ANKRD28: variants seen among roughly 807,000 people sequenced by gnomAD.
ANKRD28 encodes ankyrin repeat domain 28, also known as serine/threonine-protein phosphatase 6 regulatory ankyrin repeat subunit A.
In ANKRD28, 44 loss-of-function variants were observed where a neutral mutation model predicts 126.5. The ratio of observed to expected loss-of-function variants is 0.35; its 90% CI spans 0.27 to 0.45. The LOEUF (loss-of-function observed/expected upper bound fraction) is 0.45. ANKRD28 is among the 20% of genes least tolerant of loss of function. The pLI is 1.00. For missense variants in ANKRD28, 1,110 were observed against 1,316.6 expected (o/e 0.84, Z 2.43); for synonymous variants, 442 against 468.5 (o/e 0.94, Z 0.73).
chr3:15,691,240 C>T (rs1018154118), intron 17 of ANKRD28, among the ~76,000 whole-genome samples: 3 of 151,976 alleles, frequency 2.0e-5, no homozygotes, highest in African/African-American at 7.3e-5. Flanking sequence ...TCTCCTGTCT[C>T]AGTCTCCCGA....
At chr3:15,834,274 A>T (rs1205365434) in intron 1 of ANKRD28, among the ~76,000 whole-genome samples, 2 of 152,090 alleles carry the variant, frequency 1.3e-5, no homozygotes. Context: ...ATTCTTCTAC[A>T]TATAGCTATC....
upstream of ANKRD28, among the ~76,000 whole-genome samples, chr3:15,800,466 T>C (rs1290817257): frequency 6.6e-6 from 1 of 152,130 alleles, no homozygotes; most frequent in Non-Finnish European, 1.5e-5. Flanking sequence ...ATATTTGGGA[T>C]AGCTGAATGA....
chr3:15,859,593 C>CCGT, exon 1 of ANKRD28: 1 of 200,836 alleles, frequency 5.0e-6, no homozygotes, highest in Non-Finnish European at 9.0e-6. Context: ...GCCGCCGCCG[C>CCGT]CGCCGCCGCC....
At chr3:15,749,111 T>G (rs1011522658) in intron 4 of ANKRD28, among the ~76,000 whole-genome samples, 1 of 134,632 alleles carries the variant, frequency 7.4e-6, no homozygotes, top group Non-Finnish European at 1.6e-5. Flanking sequence ...GTTTTTTTTT[T>G]TTTTTTTTTT....
chr3:15,802,800 A>G (rs377611788), upstream of ANKRD28, among the ~76,000 whole-genome samples: 58 of 152,322 alleles, frequency 3.8e-4, no homozygotes, highest in African/African-American at 1.4e-3. Context: ...ACATCTAGTC[A>G]GCCAATCACT....
Position 15,803,649 on chromosome 3 carries a change from T to C in ANKRD28, c.28-8343A>G, listed in dbSNP as rs530634461. ...AAAAAAAAGAAATATATTTTAGAAATAGGATTTATAGGACATGTTAATAGA... is the reference window on the plus strand; with the variant it reads ...AAAAAAAAGAAATATATTTTAGAAACAGGATTTATAGGACATGTTAATAGA... On this transcript the variant is annotated intron_variant, in intron 1 of 27. Transcript: ENST00000399451. Among the ~76,000 whole-genome samples, 9 of 148,466 alleles carry C rather than the reference T, an allele frequency of 6.1e-5. 1 individual carries two copies. Among genetic ancestry groups the C allele is most frequent in the Admixed American group, 2.0e-4 (3 of 14,924 alleles).
chr3:15,670,387 C>T lies in ANKRD28; in HGVS notation c.3135G>A (p.Leu1045=), dbSNP rs1308772805. 3.1e-6 allele frequency: 5 copies of T among 1,613,892 alleles called. No homozygotes were observed. Among genetic ancestry groups the T allele is most frequent in the Non-Finnish European group, 4.2e-6 (5 of 1,179,868 alleles). ...AGCTAGGTTCATTCCTCATGATGGG[C>T]AAAGCTTCAAAGCTGACTGTTTTTG... ...NTSKTVSFEA[L]PIMRNEPSSY... is the part of the protein sequence containing the mutation. The change falls in exon 28 of 28, where the codon TTG becomes TTA. Residue 1045 remains leucine (L), a synonymous_variant. Transcript: ENST00000683139.
chr3:15,719,422 A>G (rs1344067579), intron 8 of ANKRD28, among the ~76,000 whole-genome samples: 1 of 152,206 alleles, frequency 6.6e-6, no homozygotes, highest in East Asian at 1.9e-4. Flanking sequence ...TGCTCAAAGG[A>G]TGAATTGATA....
At position 15,787,094 on chromosome 3, in the gene ANKRD28, G is replaced by A. The variant is rs115869199; in HGVS notation, c.201+8129C>T. ...CTGCTAGTTAAATAAATTATGCTAT[G>A]AAATAAATTATAAAGAATGAGGAAA... On this transcript the variant is annotated intron_variant, in intron 2 of 27. Coordinates refer to ENST00000683139, the MANE Select transcript of ANKRD28 (RefSeq NM_001349278.2). Among the ~76,000 whole-genome samples the A allele has an allele frequency of 5.0e-3, 759 of 152,142 alleles. 7 individuals carry two copies. The highest frequency in any genetic ancestry group is 0.017 in the African/African-American group (711 of 41,500).
chr3:15,787,410 G>C (rs1405220985), intron 2 of ANKRD28, among the ~76,000 whole-genome samples: 1 of 152,102 alleles, frequency 6.6e-6, no homozygotes, highest in Admixed American at 6.6e-5. Flanking sequence ...CTGGAATCTA[G>C]AGGCACTGGC....
chr3:15,694,826 A>C lies in ANKRD28; in HGVS notation c.1687-13T>G. ...AGGTTTCCATTAACTGAAAAAGAAG[A>C]GGCATTTTAAATGTCAGAAAGACAT... On this transcript the variant is annotated splice_polypyrimidine_tract_variant and intron_variant, in intron 16 of 27. Transcript: ENST00000683139. The C allele has an allele frequency of 1.2e-6, 2 of 1,612,140 alleles. No individual in the cohort carries two copies. Among genetic ancestry groups the C allele is most frequent in the Non-Finnish European group, 1.7e-6 (2 of 1,178,302 alleles).
At chr3:15,782,449 C>T (rs995077016) in intron 2 of ANKRD28, among the ~76,000 whole-genome samples, 11 of 152,078 alleles carry the variant, frequency 7.2e-5, no homozygotes, top group African/African-American at 2.7e-4. Context: ...TTGTCATATA[C>T]TCTGCATCAT....
chr3:15,792,984 G>T (rs1228609456), intron 2 of ANKRD28, among the ~76,000 whole-genome samples: 1 of 152,042 alleles, frequency 6.6e-6, no homozygotes, highest in Non-Finnish European at 1.5e-5. Flanking sequence ...ATTATACAAT[G>T]ACTATTTAAT....
chr3:15,751,979 T>C (rs547682677), intron 3 of ANKRD28, among the ~76,000 whole-genome samples, 159 bp from the exon 4 acceptor site: 3 of 152,214 alleles, frequency 2.0e-5, no homozygotes, highest in East Asian at 1.9e-4. Flanking sequence ...CCTTAGAATA[T>C]AAAACAAAAT....
chr3:15,685,420 A>G lies in ANKRD28; in HGVS notation c.2195T>C (p.Val732Ala). Reference sequence around the variant, plus strand: ...AGCACCATGTTGAAGTAATGCATCTACACATTCTTCATGGCCTGTAACTGC... The same window carrying G: ...AGCACCATGTTGAAGTAATGCATCTGCACATTCTTCATGGCCTGTAACTGC... ...RGAVTGHEEC[V>A]DALLQHGAKC... The change falls in exon 21 of 28, where the codon GTA becomes GCA. Residue 732 changes from valine (V) to alanine (A), a missense_variant. Coordinates refer to ENST00000683139, the MANE Select transcript of ANKRD28 (RefSeq NM_001349278.2). The G allele has an allele frequency of 6.2e-7, 1 of 1,614,022 alleles. No homozygotes were observed. Among genetic ancestry groups the G allele is most frequent in the South Asian group, 1.1e-5 (1 of 91,084 alleles).
chr3:15,715,802 A>T (rs2072936377), intron 8 of ANKRD28, among the ~76,000 whole-genome samples: 1 of 152,176 alleles, frequency 6.6e-6, no homozygotes, highest in African/African-American at 2.4e-5. Flanking sequence ...ACACTCAGAT[A>T]ACACATCAGT....
intron 1 of ANKRD28, among the ~76,000 whole-genome samples, chr3:15,849,431 TAA>T (rs2061591996): frequency 6.6e-6 from 1 of 152,234 alleles, no homozygotes; most frequent in South Asian, 2.1e-4. Flanking sequence ...TTCCAAGATA[TAA>T]GTCAGATTGG....
intron 3 of ANKRD28, among the ~76,000 whole-genome samples, chr3:15,754,892 A>C (rs4684260): frequency 6.6e-6 from 1 of 152,036 alleles, no homozygotes; most frequent in Non-Finnish European, 1.5e-5. Flanking sequence ...CAAGGCGGGC[A>C]AATCACCTGA....
At chr3:15,855,466 T>C (rs2061745184) in intron 1 of ANKRD28, among the ~76,000 whole-genome samples, 1 of 152,212 alleles carries the variant, frequency 6.6e-6, no homozygotes, top group Non-Finnish European at 1.5e-5. Context: ...TACCCTTTAG[T>C]ACTGCTGCAA....
Sources: gnomAD v4.1 joint callset for allele counts (sites outside exome capture counted in the v4.1 genomes callset) on GRCh38, gnomAD v4.1.1 for gene constraint, MANE v1.5 for transcripts, NCBI Gene and HGNC (gene_info 2026-07-23, HGNC 2026-07-21) for gene names.